The following TNKS2 variants were observed in gnomAD, a reference collection of about 807,000 sequenced individuals.
TNKS2 encodes tankyrase 2, also known as poly [ADP-ribose] polymerase tankyrase-2.
In TNKS2, 72 loss-of-function variants were observed where a neutral mutation model predicts 137.6. The observed-to-expected ratio is 0.52, with a 90% CI of 0.43 to 0.64. The LOEUF (loss-of-function observed/expected upper bound fraction) is 0.64, where lower values mean the gene tolerates loss of function less well. Among genes scored for constraint, TNKS2 ranks in the 30% least tolerant of loss-of-function variants. The pLI is 0.00. For synonymous variants in TNKS2, 516 were observed against 512.1 expected (o/e 1.01, Z -0.10); for missense variants, 1,049 against 1,410.2 (o/e 0.74, Z 4.10).
Position 91,820,097 on chromosome 10 carries a change from A to G in TNKS2, c.728+64A>G, listed in dbSNP as rs1844838217. The G allele has an allele frequency of 3.7e-6, 4 of 1,068,034 alleles. No homozygotes were observed. The Admixed American group carries it at 1.0e-4, about 27-fold the overall frequency. 66.2% of individuals were successfully genotyped at this position (1,068,034 alleles called of 1,614,324 possible). ...ACCCTCTTCTTAAAACAATCTTTGT[A>G]ACCTTAGAAAAATAATATTTTTTAC... On this transcript the variant is annotated intron_variant, in intron 6 of 26. Coordinates refer to ENST00000371627, the MANE Select transcript of TNKS2 (RefSeq NM_025235.4).
intron 13 of TNKS2, among the ~76,000 whole-genome samples, chr10:91,838,419 C>T (rs926444600): frequency 1.3e-5 from 2 of 152,132 alleles, no homozygotes; most frequent in African/African-American, 4.8e-5. Flanking sequence ...AGAACATCTG[C>T]GTATTACCTA....
chr10:91,836,807 A>C lies in TNKS2; in HGVS notation c.1448-112A>C, dbSNP rs371959032. The C allele has an allele frequency of 1.9e-5, 28 of 1,445,074 alleles. No homozygotes were observed. In the East Asian group the frequency reaches 3.1e-4, roughly 16 times the overall value. The allele number at this position is 1,445,074 out of a possible 1,614,324, so 89.5% of individuals were successfully genotyped here. A position where few individuals can be genotyped will look rare whatever the true frequency, so the allele number is the denominator to read the frequency against. ...TTACTACCATGGAGATCTCGTACAT[A>C]ATCTACCAAATTGTAAAAGAACTTT... On this transcript the variant is annotated intron_variant, in intron 12 of 26. Coordinates refer to ENST00000371627, the MANE Select transcript of TNKS2 (RefSeq NM_025235.4).
intron 2 of TNKS2, among the ~76,000 whole-genome samples, chr10:91,815,313 T>C (rs1454133313): frequency 1.3e-5 from 2 of 152,234 alleles, no homozygotes; most frequent in Non-Finnish European, 2.9e-5. Flanking sequence ...AGGTCATTTA[T>C]AAAGATGTGA....
At chr10:91,851,548 T>C (rs1842537775) in intron 21 of TNKS2, among the ~76,000 whole-genome samples, 1 of 152,210 alleles carries the variant, frequency 6.6e-6, no homozygotes, top group African/African-American at 2.4e-5. Flanking sequence ...TAAGTAAAAT[T>C]TCTGGACCAT....
chr10:91,809,399 G>C (rs1400236513), intron 1 of TNKS2, among the ~76,000 whole-genome samples: 2 of 152,174 alleles, frequency 1.3e-5, no homozygotes, highest in South Asian at 2.1e-4. Flanking sequence ...GGGCGCGGTG[G>C]CTCACGCCTG....
intron 2 of TNKS2, among the ~76,000 whole-genome samples, chr10:91,814,670 T>TA (rs1200904965): frequency 6.6e-6 from 1 of 152,214 alleles, no homozygotes; most frequent in East Asian, 1.9e-4. Context: ...CAGATGTACT[T>TA]ACCATTGTAT....
At position 91,854,978 on chromosome 10, in the gene TNKS2, T is replaced by C. The variant is rs755172700; in HGVS notation, c.2816-51T>C. ...TAGGTGGTTATTTTTGGTTTTGATG[T>C]TCATTGTTTATTGGCAATTTATTTT... On this transcript the variant is annotated intron_variant, in intron 21 of 26. Transcript: ENST00000371627. 3 of 1,026,936 alleles carry C rather than the reference T, an allele frequency of 2.9e-6. No homozygotes were observed. In the East Asian group the frequency reaches 7.4e-5, roughly 25 times the overall value. 63.6% of individuals were successfully genotyped at this position (1,026,936 alleles called of 1,614,324 possible).
chr10:91,814,366 C>A (rs1244429845), intron 2 of TNKS2, among the ~76,000 whole-genome samples: 2 of 151,968 alleles, frequency 1.3e-5, no homozygotes, highest in East Asian at 3.8e-4. Context: ...TTACAAAAGT[C>A]AAAAAGCCTT....
chr10:91,829,573 T>TA (rs1845172997), intron 9 of TNKS2, among the ~76,000 whole-genome samples: 3 of 152,032 alleles, frequency 2.0e-5, no homozygotes, highest in Admixed American at 6.5e-5. Context: ...GATGTGATTT[T>TA]TAAAAAAAGT....
At chr10:91,832,480 T>TTC (rs1841842342) in intron 11 of TNKS2, among the ~76,000 whole-genome samples, 1 of 151,814 alleles carries the variant, frequency 6.6e-6, no homozygotes, top group African/African-American at 2.4e-5. Flanking sequence ...TAGTTTTTTT[T>TTC]TTTTTAAGTG....
At chr10:91,855,572 C>G (rs375893231) in intron 22 of TNKS2, 42 bp from the exon 23 acceptor site, 1 of 1,457,438 alleles carries the variant, frequency 6.9e-7, no homozygotes, top group East Asian at 2.3e-5. Flanking sequence ...GAAAATAACA[C>G]AAATGCTAAT....
At chr10:91,840,816 A>G in intron 14 of TNKS2, 110 bp downstream of exon 14, 5 of 1,042,724 alleles carry the variant, frequency 4.8e-6, no homozygotes, top group Non-Finnish European at 6.9e-6. Context: ...GTTTCCTAAC[A>G]TTGGCCTAAA....
rs752613670 is a variant in TNKS2, at chr10:91,822,344, A to C, written c.777A>C (p.Val259=). The C allele has an allele frequency of 1.9e-6, 3 of 1,613,396 alleles. No individual in the cohort carries two copies. In the East Asian group the frequency reaches 6.7e-5, roughly 36 times the overall value. Residue 259 remains valine (V), a synonymous_variant, in exon 7 of 27, where the codon GTA becomes GTC. Coordinates refer to ENST00000371627, the MANE Select transcript of TNKS2 (RefSeq NM_025235.4). ...CCTGTTCTTATGGTCATTATGAAGT[A>C]ACTGAACTTTTGGTCAAGGTTAGTG... ...HNACSYGHYE[V]TELLVKHGAC... is the part of the protein sequence containing the mutation.
At chr10:91,825,364 A>G (rs946092419) in intron 7 of TNKS2, among the ~76,000 whole-genome samples, 5 of 152,162 alleles carry the variant, frequency 3.3e-5, no homozygotes, top group East Asian at 1.9e-4. Flanking sequence ...CAGCCTCCCA[A>G]AGTGCTGGAA....
Position 91,805,268 on chromosome 10 carries a change from G to A in TNKS2, c.199+6379G>A, listed in dbSNP as rs547447682. Among the ~76,000 whole-genome samples, 3 of 152,246 alleles carry A rather than the reference G, an allele frequency of 2.0e-5. No homozygotes were observed. In the East Asian group the frequency reaches 5.8e-4, roughly 29 times the overall value. On this transcript the variant is annotated intron_variant, in intron 1 of 26. Coordinates refer to ENST00000371627, the MANE Select transcript of TNKS2 (RefSeq NM_025235.4). ...TCACATATTGTAGTCCTTACAGTGT[G>A]ACTGTAAAATCATACCTCTACTATC...
At chr10:91,836,723 G>A (rs1426863007) in intron 12 of TNKS2, 196 bp from the exon 13 acceptor site, 9 of 985,114 alleles carry the variant, frequency 9.1e-6, no homozygotes, top group African/African-American at 5.2e-5. Flanking sequence ...GCTTATATGT[G>A]TTGTATTTCA....
intron 13 of TNKS2, among the ~76,000 whole-genome samples, chr10:91,839,576 G>A (rs1414084963): frequency 1.3e-5 from 2 of 152,140 alleles, no homozygotes; most frequent in Admixed American, 6.5e-5. Flanking sequence ...ACAGGCATGA[G>A]CCACCACGTT....
intron 1 of TNKS2, among the ~76,000 whole-genome samples, chr10:91,804,026 T>G (rs1388131413): frequency 6.6e-6 from 1 of 151,760 alleles, no homozygotes; most frequent in Non-Finnish European, 1.5e-5. Context: ...TGAAAGCATG[T>G]TTCCAGTGTA....
chr10:91,857,644 A>G (rs1287920862), intron 24 of TNKS2, 114 bp downstream of exon 24: 5 of 493,784 alleles, frequency 1.0e-5, no homozygotes, highest in African/African-American at 2.0e-5. Flanking sequence ...TTTTAAGATA[A>G]ACCTACTATT....
Sources: allele counts gnomAD v4.1 joint callset (sites outside exome capture counted in the v4.1 genomes callset), GRCh38; gene constraint gnomAD v4.1.1; transcripts MANE v1.5; gene names NCBI Gene and HGNC (gene_info 2026-07-23, HGNC 2026-07-21).